The following SETD3 variants were observed in gnomAD, a reference collection of about 807,000 sequenced individuals.
SETD3 encodes the protein actin-histidine N-methyltransferase.
In SETD3, 19 loss-of-function variants were observed where a neutral mutation model predicts 63.0. The ratio of observed to expected loss-of-function variants is 0.30; its 90% CI spans 0.21 to 0.44. The LOEUF (loss-of-function observed/expected upper bound fraction) is 0.44, where lower values mean the gene tolerates loss of function less well. Ranked by LOEUF, SETD3 falls within the 20% of genes least tolerant of loss-of-function variation. The pLI, the probability that SETD3 is intolerant of heterozygous loss-of-function variation, is 1.00. For missense variants in SETD3, 587 were observed against 728.5 expected, an observed-to-expected ratio of 0.81 and a Z score of 2.24; for synonymous variants, 286 against 264.1, an observed-to-expected ratio of 1.08 and a Z score of -0.80.
chr14:99,418,233 G>C (rs1424587794), intron 6 of SETD3, among the ~76,000 whole-genome samples: 1 of 152,146 alleles, frequency 6.6e-6, no homozygotes, highest in African/African-American at 2.4e-5. Flanking sequence ...ATATAATTTA[G>C]AAGTTGCACC....
At chr14:99,434,752 A>G (rs1238306748) in intron 6 of SETD3, among the ~76,000 whole-genome samples, 2 of 148,934 alleles carry the variant, frequency 1.3e-5, no homozygotes, top group Non-Finnish European at 3.0e-5. Context: ...GAGGCTAAGG[A>G]AGGAGAATTG....
chr14:99,472,743 A>C (rs1234488231), intron 1 of SETD3, among the ~76,000 whole-genome samples: 1 of 152,262 alleles, frequency 6.6e-6, no homozygotes, highest in African/African-American at 2.4e-5. Flanking sequence ...GCTAACTCAA[A>C]AATTTTTTTC....
chr14:99,461,768 G>A (rs972147677), intron 3 of SETD3, among the ~76,000 whole-genome samples: 2 of 152,288 alleles, frequency 1.3e-5, no homozygotes, highest in Middle Eastern at 3.4e-3. Flanking sequence ...ATGTGCACAA[G>A]GAGACATGGG....
chr14:99,414,158 T>C, intron 6 of SETD3, among the ~76,000 whole-genome samples: 1 of 152,262 alleles, frequency 6.6e-6, no homozygotes, highest in East Asian at 1.9e-4. Context: ...AATCTGCTTC[T>C]TCATATTTCG....
intron 7 of SETD3, chr14:99,413,396 C>T: frequency 3.4e-6 from 1 of 295,792 alleles, no homozygotes; most frequent in East Asian, 7.2e-5. Context: ...CCCTCTTTTG[C>T]CCAAATGCTG....
intron 6 of SETD3, among the ~76,000 whole-genome samples, chr14:99,415,988 C>A (rs1403607546): frequency 6.6e-6 from 1 of 152,180 alleles, no homozygotes; most frequent in Non-Finnish European, 1.5e-5. Flanking sequence ...TTATCAAAAA[C>A]AGCTACTACT....
chr14:99,412,643 C>A, intron 8 of SETD3: 1 of 258,230 alleles, frequency 3.9e-6, no homozygotes, highest in African/African-American at 2.2e-5. Flanking sequence ...GTCTGTGGTA[C>A]AATAAGATAA....
At chr14:99,430,364 G>A (rs2139688118) in intron 6 of SETD3, among the ~76,000 whole-genome samples, 1 of 152,272 alleles carries the variant, frequency 6.6e-6, no homozygotes, top group South Asian at 2.1e-4. Flanking sequence ...AATATGTGAA[G>A]CTTTAATTTT....
intron 6 of SETD3, among the ~76,000 whole-genome samples, chr14:99,446,281 T>C (rs982468987): frequency 2.0e-5 from 3 of 152,224 alleles, no homozygotes; most frequent in East Asian, 3.8e-4. Context: ...CCTGTATTTC[T>C]GGCCTCTATT....
chr14:99,463,619 T>C (rs1357215201), intron 2 of SETD3, 41 bp from the exon 3 acceptor site: 2 of 1,497,332 alleles, frequency 1.3e-6, no homozygotes, highest in African/African-American at 2.8e-5. Flanking sequence ...CTTCTCTCTT[T>C]CAACTTAACC....
At position 99,429,961 on chromosome 14, in the gene SETD3, G is replaced by A. The variant is rs544499476; in HGVS notation, c.676-16027C>T. ...TATAGAGGAAATGGTAAGATATTCT[G>A]GAGTGGGTCCAAAGACAAGCAGTCA... On this transcript the variant is annotated intron_variant, in intron 6 of 12. Transcript: ENST00000331768. 5.3e-5 allele frequency among the ~76,000 whole-genome samples: 8 copies of A among 152,334 alleles called. No homozygotes were observed. The South Asian group carries it at 1.7e-3, about 32-fold the overall frequency.
chr14:99,424,689 A>T (rs989546225), intron 6 of SETD3, among the ~76,000 whole-genome samples: 1 of 151,544 alleles, frequency 6.6e-6, no homozygotes, highest in African/African-American at 2.4e-5. Flanking sequence ...GAGGGAGGGG[A>T]GGAGAGGAGG....
In SETD3 at chr14:99,398,633, C is replaced by T. The variant is rs76524529; in HGVS notation, c.*46G>A. 7.7e-3 allele frequency: 11,885 copies of T among 1,545,820 alleles called. 743 individuals are homozygous for T. The African/African-American group carries it at 0.14, about 18-fold the overall frequency. ...AACACAGCGATGTGAACGGACTGTC[C>T]GTCAACTCCTGCTCCACTGGATCCC... On this transcript the variant is annotated 3_prime_UTR_variant, in exon 13 of 13. Transcript: ENST00000331768.
intron 6 of SETD3, among the ~76,000 whole-genome samples, chr14:99,442,382 G>A (rs537581249): frequency 1.3e-5 from 2 of 152,202 alleles, no homozygotes; most frequent in Non-Finnish European, 2.9e-5. Context: ...ATGAAGGAAA[G>A]TCCTTGTCCT....
chr14:99,462,169 G>C (rs1295058823), intron 3 of SETD3, among the ~76,000 whole-genome samples: 1 of 152,200 alleles, frequency 6.6e-6, no homozygotes, highest in Non-Finnish European at 1.5e-5. Flanking sequence ...CAGTGGGTGA[G>C]AATAAAAGAA....
Position 99,398,907 on chromosome 14 carries a change from G to A in SETD3, c.1557C>T (p.Leu519=), listed in dbSNP as rs772708819. The change falls in exon 13 of 13, where the codon CTC becomes CTT. Residue 519 remains leucine, a synonymous_variant. Coordinates refer to ENST00000331768, the MANE Select transcript of SETD3 (RefSeq NM_032233.3). The part of the protein sequence containing the change: ...LLESSVGDSR[L]PLVLRNLEEE... ...CCTCGAGGTTTCTCAAGACCAGGGG[G>A]AGCCTCGAGTCCCCCACGCTGCTCT... The A allele has an allele frequency of 6.2e-7, 1 of 1,614,058 alleles. No individual in the cohort carries two copies. Among genetic ancestry groups the A allele is most frequent in the Non-Finnish European group, 8.5e-7 (1 of 1,179,942 alleles).
chr14:99,433,964 A>C (rs938211958), intron 6 of SETD3, among the ~76,000 whole-genome samples: 1 of 152,216 alleles, frequency 6.6e-6, no homozygotes, highest in Non-Finnish European at 1.5e-5. Context: ...TGCGAGTGTA[A>C]ATTGGTGTAA....
At chr14:99,412,814 C>A (rs1014973027) in intron 8 of SETD3, 137 bp downstream of exon 8, 1 of 628,726 alleles carries the variant, frequency 1.6e-6, no homozygotes, top group African/African-American at 1.8e-5. Flanking sequence ...GAGGAGTGGC[C>A]GGTTCGGTTT....
At chr14:99,407,002 T>A (rs749822785) in intron 8 of SETD3, among the ~76,000 whole-genome samples, 1 of 152,256 alleles carries the variant, frequency 6.6e-6, no homozygotes, top group Non-Finnish European at 1.5e-5. Context: ...GCAAGTATTA[T>A]CTTTATCTAA....
Sources: gnomAD v4.1 joint callset for allele counts (sites outside exome capture counted in the v4.1 genomes callset) on GRCh38, gnomAD v4.1.1 for gene constraint, MANE v1.5 for transcripts, NCBI Gene and HGNC (gene_info 2026-07-23, HGNC 2026-07-21) for gene names.